The following STAG1 variants were observed in gnomAD, a reference collection of about 807,000 sequenced individuals.
The protein encoded by STAG1 is cohesin subunit SA-1.
A neutral mutation model predicts 170.9 loss-of-function variants in STAG1; 26 were observed. That is an observed-to-expected ratio of 0.15 (90% CI 0.11 to 0.21). The LOEUF is 0.21. STAG1 is among the 10% of genes least tolerant of loss of function. STAG1 has a pLI of 1.00. For missense variants in STAG1, 964 were observed against 1,509.5 expected (o/e 0.64, Z 5.99); for synonymous variants, 514 against 497.7 (o/e 1.03, Z -0.44).
At chr3:136,358,162 A>G (rs1299245401) in intron 27 of STAG1, among the ~76,000 whole-genome samples, 1 of 150,382 alleles carries the variant, frequency 6.6e-6, no homozygotes, top group Non-Finnish European at 1.5e-5. Flanking sequence ...ATCATGGCTC[A>G]CTGCCTTGAC....
At chr3:136,509,988 T>C (rs976207427) in intron 7 of STAG1, among the ~76,000 whole-genome samples, 2 of 152,214 alleles carry the variant, frequency 1.3e-5, no homozygotes, top group African/African-American at 4.8e-5. Flanking sequence ...AGGGATCTTA[T>C]GACAAACTAC....
intron 23 of STAG1, among the ~76,000 whole-genome samples, chr3:136,370,427 G>A (rs1045841428): frequency 1.3e-5 from 2 of 152,048 alleles, no homozygotes; most frequent in African/African-American, 2.4e-5. Flanking sequence ...TGTTACATAG[G>A]TATACATGTG....
At chr3:136,442,922 TC>T (rs2088673956) in intron 15 of STAG1, among the ~76,000 whole-genome samples, 1 of 152,122 alleles carries the variant, frequency 6.6e-6, no homozygotes, top group Non-Finnish European at 1.5e-5. Context: ...GGTGGGAGGA[TC>T]CCTTGAGCCC....
intron 3 of STAG1, among the ~76,000 whole-genome samples, chr3:136,608,467 T>C (rs551787595): frequency 4.7e-5 from 7 of 147,744 alleles, no homozygotes; most frequent in Non-Finnish European, 8.9e-5. Flanking sequence ...GGAGGCAGAG[T>C]CTGCAGTGAG....
chr3:136,338,354 A>G lies in STAG1; in HGVS notation c.3753+16T>C. 6.2e-7 allele frequency: 1 copy of G among 1,605,790 alleles called. No homozygotes were observed. The highest frequency in any genetic ancestry group is 1.3e-5 in the African/African-American group (1 of 74,892). On this transcript the variant is annotated intron_variant, in intron 33 of 33. Transcript: ENST00000383202. ...CAGGAACCATAAATAAAAAGCAGTA[A>G]TAATTTGACATTTACTGAATCATCT...
intron 21 of STAG1, among the ~76,000 whole-genome samples, chr3:136,402,160 T>A (rs1276282574): frequency 6.6e-6 from 1 of 152,198 alleles, no homozygotes; most frequent in African/African-American, 2.4e-5. Flanking sequence ...GGAAAATCAA[T>A]AAGTAGAATG....
In STAG1 at chr3:136,422,843, T is replaced by C; in HGVS notation, c.1758A>G (p.Ala586=). The C allele has an allele frequency of 6.2e-7, 1 of 1,609,756 alleles. No individual in the cohort carries two copies. Among genetic ancestry groups the C allele is most frequent in the African/African-American group, 1.3e-5 (1 of 74,854 alleles). Reference sequence around the variant, plus strand: ...TTTGTAGCAAGTTTGCTACCTTCTCTGCATCTGCAGAATACTAGAAGGAGA... The same window carrying C: ...TTTGTAGCAAGTTTGCTACCTTCTCCGCATCTGCAGAATACTAGAAGGAGA... ...PMLLSKYSAD[A]EKVANLLQIP... Residue 586 remains alanine, a synonymous_variant, in exon 18 of 34, where the codon GCA becomes GCG. Coordinates refer to ENST00000383202, the MANE Select transcript of STAG1 (RefSeq NM_005862.3).
chr3:136,631,229 T>G (rs565940277), intron 1 of STAG1, among the ~76,000 whole-genome samples: 1 of 152,340 alleles, frequency 6.6e-6, no homozygotes, highest in East Asian at 1.9e-4. Flanking sequence ...AAATATTATT[T>G]GGCATTAAAA....
intron 1 of STAG1, chr3:136,737,069 G>A: frequency 8.4e-7 from 1 of 1,195,412 alleles, no homozygotes; most frequent in Non-Finnish European, 1.2e-6. Flanking sequence ...CCTCAAATGG[G>A]GTGAAACTGA....
chr3:136,459,023 T>C (rs887935779), intron 13 of STAG1, among the ~76,000 whole-genome samples: 1 of 151,932 alleles, frequency 6.6e-6, no homozygotes, highest in East Asian at 1.9e-4. Flanking sequence ...ATGGAGACCA[T>C]CCTGGCCAAC....
chr3:136,522,636 T>G (rs1217711149), intron 6 of STAG1, among the ~76,000 whole-genome samples: 2 of 152,172 alleles, frequency 1.3e-5, no homozygotes, highest in Middle Eastern at 3.2e-3. Context: ...TTGTTACATA[T>G]GTATACATGT....
At chr3:136,592,566 C>G (rs1938237166) in intron 4 of STAG1, among the ~76,000 whole-genome samples, 1 of 152,172 alleles carries the variant, frequency 6.6e-6, no homozygotes, top group Non-Finnish European at 1.5e-5. Flanking sequence ...TATTCAACTC[C>G]CTCAACCCTT....
chr3:136,338,459 A>G lies in STAG1; in HGVS notation c.3673-9T>C. The G allele has an allele frequency of 6.2e-7, 1 of 1,611,324 alleles. No homozygotes were observed. The highest frequency in any genetic ancestry group is 8.5e-7 in the Non-Finnish European group (1 of 1,177,908). On this transcript the variant is annotated splice_polypyrimidine_tract_variant and intron_variant, in intron 32 of 33. Coordinates refer to ENST00000383202, the MANE Select transcript of STAG1 (RefSeq NM_005862.3). Reference sequence around the variant, plus strand: ...CGATTTCTTGATGGAGGCTGGAAAGAGAAATCGGTTTCTTAATTTTTTTCT... The same window carrying G: ...CGATTTCTTGATGGAGGCTGGAAAGGGAAATCGGTTTCTTAATTTTTTTCT...
At chr3:136,374,080 C>T (rs1206385510) in intron 23 of STAG1, among the ~76,000 whole-genome samples, 1 of 152,012 alleles carries the variant, frequency 6.6e-6, no homozygotes, top group Non-Finnish European at 1.5e-5. Flanking sequence ...GAATTGATCC[C>T]TTTACCATTA....
rs1426522545 is a variant in STAG1 at position 136,531,267 on chromosome 3, C to T, written c.472-9850G>A. ...TTAAAAAGTCAGGAAACAACAGGTG[C>T]TGGAGAGGATGTGGAGAAATAGGAA... On this transcript the variant is annotated intron_variant, in intron 6 of 33. Coordinates refer to ENST00000383202, the MANE Select transcript of STAG1 (RefSeq NM_005862.3). Among the ~76,000 whole-genome samples the T allele has an allele frequency of 1.8e-4, 27 of 149,386 alleles. 1 individual carries two copies. The highest frequency in any genetic ancestry group is 1.8e-4 in the Non-Finnish European group (12 of 67,464).
intron 6 of STAG1, among the ~76,000 whole-genome samples, chr3:136,524,405 C>T (rs966570669): frequency 1.6e-4 from 25 of 152,062 alleles, no homozygotes; most frequent in African/African-American, 5.5e-4. Context: ...TTGTCTGTTA[C>T]TGGTGTATAA....
rs962623744 is a variant in STAG1, at chr3:136,491,084, C to CACT, written c.902+9136_902+9138dup. The stretch of plus-strand genomic sequence containing the variant: ...TTAACTAATTTTATAAAATTGTACT[C>CACT]ACTACTACTACTTCTCTCTAATACA... On this transcript the variant is annotated intron_variant, in intron 9 of 33. Transcript: ENST00000383202. Among the ~76,000 whole-genome samples, 44 of 152,172 alleles carry CACT rather than the reference C, an allele frequency of 2.9e-4. 1 individual carries two copies. The highest frequency in any genetic ancestry group is 1.0e-3 in the African/African-American group (43 of 41,502).
rs1576763460 is a variant in STAG1 at position 136,686,142 on chromosome 3, A to T, written c.-83-55161T>A. Among the ~76,000 whole-genome samples the T allele has an allele frequency of 2.0e-5, 3 of 152,202 alleles. No individual in the cohort carries two copies. The South Asian group carries it at 6.2e-4, about 31-fold the overall frequency. On this transcript the variant is annotated intron_variant, in intron 1 of 33. Transcript: ENST00000383202. ...GGTTGTTTTGGCAGCTGGGCTTGGA[A>T]GATAATTCCTGGCACAGGCACTTTA...
intron 28 of STAG1, among the ~76,000 whole-genome samples, chr3:136,354,315 C>T (rs865954626): frequency 4.5e-4 from 68 of 152,198 alleles, no homozygotes; most frequent in African/African-American, 1.5e-3. Flanking sequence ...TTTGTTGAGG[C>T]GGAATCGCAC....
Sources: gnomAD v4.1 joint callset for allele counts (sites outside exome capture counted in the v4.1 genomes callset) on GRCh38, gnomAD v4.1.1 for gene constraint, MANE v1.5 for transcripts, NCBI Gene and HGNC (gene_info 2026-07-23, HGNC 2026-07-21) for gene names.